Variants in ADGRL2 observed in about 807,000 individuals in gnomAD.
The protein encoded by ADGRL2 is adhesion G protein-coupled receptor L2, also known as calcium-independent alpha-latrotoxin receptor 2.
Under a neutral mutation model 157.4 loss-of-function variants are expected in ADGRL2, and 44 were observed. The observed-to-expected ratio is 0.28, with a 90% CI of 0.22 to 0.36. ADGRL2 has a LOEUF of 0.36. Ranked by LOEUF, ADGRL2 falls within the 10% of genes least tolerant of loss-of-function variation. ADGRL2 has a pLI of 1.00. For synonymous variants in ADGRL2, 585 were observed against 624.7 expected (o/e 0.94, Z 0.95); for missense variants, 1,510 against 1,768.9 (o/e 0.85, Z 2.63).
At chr1:81,934,823 T>G (rs2095286368) in intron 3 of ADGRL2, among the ~76,000 whole-genome samples, 1 of 152,026 alleles carries the variant, frequency 6.6e-6, no homozygotes, top group Non-Finnish European at 1.5e-5. Flanking sequence ...GTTGTTTATC[T>G]TTCTTCATTT....
At chr1:81,547,794 G>A (rs1462806200) in intron 2 of ADGRL2, among the ~76,000 whole-genome samples, 4 of 152,164 alleles carry the variant, frequency 2.6e-5, no homozygotes, top group African/African-American at 9.6e-5. Context: ...TGCTTGGGAG[G>A]TAGAAGTTTG....
chr1:81,824,948 C>CCTCTCTCTCTCTCTCTCTCTCTCTCTCT (rs3046312), intron 1 of ADGRL2, among the ~76,000 whole-genome samples: 2 of 127,976 alleles, frequency 1.6e-5, no homozygotes, highest in South Asian at 2.6e-4. Context: ...TTTTAATTCT[C>CCTCTCTCTCTCTCTCTCTCTCTCTCTCT]CTCTCTCTCT....
At chr1:81,683,744 G>T (rs529764682) in intron 3 of ADGRL2, among the ~76,000 whole-genome samples, 6 of 152,096 alleles carry the variant, frequency 3.9e-5, no homozygotes, top group Non-Finnish European at 8.8e-5. Flanking sequence ...CATTGGGGTT[G>T]GTTCCACGTT....
Position 81,331,886 on chromosome 1 carries a change from T to C in ADGRL2, c.-302+25377T>C, listed in dbSNP as rs115425785. 8.7e-3 allele frequency among the ~76,000 whole-genome samples: 1,323 copies of C among 152,266 alleles called. 16 individuals carry two copies. The highest frequency in any genetic ancestry group is 0.03 in the African/African-American group (1,263 of 41,558). ...ATTAACCAATTATTTGGACATCAGA[T>C]TGGAATATAACTTAAACAAAGGTGT... is the stretch of plus-strand genomic sequence containing the variant. On this transcript the variant is annotated intron_variant, in intron 1 of 24. Coordinates refer to the ADGRL2 transcript ENST00000370721.
rs114650895 is a variant in ADGRL2, at chr1:81,460,827, A to G, written c.-248+15738A>G. On this transcript the variant is annotated intron_variant, in intron 2 of 24. Transcript: ENST00000370721. Reference sequence around the variant, plus strand: ...TGGAAGGACACAGACTATAGGAAACATTGCAGTGGACTGTCTTCCTTGCAA... The same window carrying G: ...TGGAAGGACACAGACTATAGGAAACGTTGCAGTGGACTGTCTTCCTTGCAA... Among the ~76,000 whole-genome samples the G allele has an allele frequency of 3.2e-3, 484 of 152,342 alleles. 3 individuals are homozygous for G. Among genetic ancestry groups the G allele is most frequent in the Admixed American group, 0.012 (186 of 15,306 alleles).
At chr1:81,876,852 G>T (rs2151125137) in intron 2 of ADGRL2, among the ~76,000 whole-genome samples, 1 of 152,230 alleles carries the variant, frequency 6.6e-6, no homozygotes, top group African/African-American at 2.4e-5. Flanking sequence ...AAATCTACTT[G>T]TGGAAGTTCA....
chr1:81,749,563 CT>C (rs2085421481), intron 1 of ADGRL2, among the ~76,000 whole-genome samples: 1 of 151,940 alleles, frequency 6.6e-6, no homozygotes, highest in South Asian at 2.1e-4. Flanking sequence ...TTTTTATTTT[CT>C]TGAACAGTGC....
At chr1:81,581,455 G>T (rs1239254710) in intron 3 of ADGRL2, among the ~76,000 whole-genome samples, 1 of 152,130 alleles carries the variant, frequency 6.6e-6, no homozygotes, top group Non-Finnish European at 1.5e-5. Context: ...TCAAGAAAAG[G>T]TCATTGGGAC....
At chr1:81,475,215 C>A (rs2078248318) in intron 2 of ADGRL2, among the ~76,000 whole-genome samples, 2 of 152,098 alleles carry the variant, frequency 1.3e-5, no homozygotes, top group Non-Finnish European at 2.9e-5. Flanking sequence ...CTGAAAATGA[C>A]ACTCATGGGC....
intron 2 of ADGRL2, among the ~76,000 whole-genome samples, chr1:81,507,230 G>T (rs1262222077): frequency 6.6e-6 from 1 of 152,078 alleles, no homozygotes; most frequent in Admixed American, 6.6e-5. Flanking sequence ...AAGCCCCAGG[G>T]AGTATGAGAG....
chr1:81,974,717 A>G (rs889802002), intron 17 of ADGRL2, among the ~76,000 whole-genome samples: 4 of 152,068 alleles, frequency 2.6e-5, no homozygotes, highest in Admixed American at 6.6e-5. Context: ...ATGTGATTCA[A>G]TTGAGCAGGT....
At chr1:81,986,386 C>T (rs949643478) in intron 21 of ADGRL2, among the ~76,000 whole-genome samples, 1 of 151,910 alleles carries the variant, frequency 6.6e-6, no homozygotes, top group Non-Finnish European at 1.5e-5. Flanking sequence ...TTTGCATTTA[C>T]TAAGAGAAGC....
intron 3 of ADGRL2, among the ~76,000 whole-genome samples, chr1:81,633,880 C>T (rs186620340): frequency 6.5e-4 from 99 of 152,298 alleles, no homozygotes; most frequent in Admixed American, 7.8e-4. Flanking sequence ...ACACCCAAAT[C>T]ATGATGAAGG....
chr1:81,866,170 T>C (rs753550323), intron 2 of ADGRL2, among the ~76,000 whole-genome samples: 11 of 152,194 alleles, frequency 7.2e-5, no homozygotes, highest in Non-Finnish European at 1.5e-4. Flanking sequence ...GTTACATTTT[T>C]TCTTGCCTCT....
At chr1:81,370,008 C>G (rs1449246129) in intron 1 of ADGRL2, among the ~76,000 whole-genome samples, 2 of 152,048 alleles carry the variant, frequency 1.3e-5, no homozygotes, top group Non-Finnish European at 2.9e-5. Flanking sequence ...TCCATAGTGC[C>G]CCATACCCTA....
chr1:81,643,559 A>T (rs1255628310), intron 3 of ADGRL2, among the ~76,000 whole-genome samples: 1 of 152,108 alleles, frequency 6.6e-6, no homozygotes, highest in African/African-American at 2.4e-5. Flanking sequence ...TCCTCCTGCC[A>T]TGGCTTCCCA....
chr1:81,687,290 T>C (rs905077128), intron 3 of ADGRL2, among the ~76,000 whole-genome samples: 3 of 152,210 alleles, frequency 2.0e-5, no homozygotes, highest in Non-Finnish European at 4.4e-5. Context: ...TTCTTACATC[T>C]GTTAGTAATT....
chr1:81,804,689 T>G (rs1270943033), intron 1 of ADGRL2, among the ~76,000 whole-genome samples: 1 of 152,244 alleles, frequency 6.6e-6, no homozygotes, highest in Non-Finnish European at 1.5e-5. Flanking sequence ...ACCTTTTGTT[T>G]TATGATAGTC....
chr1:81,702,295 C>T (rs191384932), intron 1 of ADGRL2, among the ~76,000 whole-genome samples: 1 of 152,268 alleles, frequency 6.6e-6, no homozygotes, highest in East Asian at 1.9e-4. Context: ...ATATGACCAG[C>T]TGAGAAACAC....
Sources: gnomAD v4.1 joint callset for allele counts (sites outside exome capture counted in the v4.1 genomes callset) on GRCh38, gnomAD v4.1.1 for gene constraint, MANE v1.5 for transcripts, NCBI Gene and HGNC (gene_info 2026-07-23, HGNC 2026-07-21) for gene names.